Variants in FIGN observed in about 807,000 individuals in gnomAD.
FIGN encodes fidgetin.
A neutral mutation model predicts 51.3 loss-of-function variants in FIGN; 11 were observed. That is an observed-to-expected ratio of 0.21 (90% CI 0.13 to 0.35). The LOEUF (loss-of-function observed/expected upper bound fraction) is 0.35, where lower values mean the gene tolerates loss of function less well. Ranked by LOEUF, FIGN falls within the 10% of genes least tolerant of loss-of-function variation. The pLI is 1.00. For synonymous variants in FIGN, 407 were observed against 363.2 expected (o/e 1.12, Z -1.37); for missense variants, 857 against 943.6 (o/e 0.91, Z 1.20).
At chr2:163,694,475 G>A (rs6730430) in intron 2 of FIGN, among the ~76,000 whole-genome samples, 92,213 of 151,988 alleles carry the variant, frequency 0.61, 28,977 homozygotes, top group Admixed American at 0.71. Flanking sequence ...TTACAGGATG[G>A]GGCAAGCAAG....
At chr2:163,631,368 G>T (rs576334729) in intron 2 of FIGN, among the ~76,000 whole-genome samples, 5 of 152,280 alleles carry the variant, frequency 3.3e-5, no homozygotes, top group Non-Finnish European at 4.4e-5. Flanking sequence ...TGCGAACTTT[G>T]TTCTCCAAGT....
chr2:163,620,067 A>G (rs1248932956), intron 2 of FIGN, among the ~76,000 whole-genome samples: 2 of 152,210 alleles, frequency 1.3e-5, no homozygotes, highest in Non-Finnish European at 2.9e-5. Flanking sequence ...TTTAAAATAT[A>G]CAAATAATTC....
rs1170373652 is a variant in FIGN, at chr2:163,715,771, G to A, written c.25+19132C>T. Among the ~76,000 whole-genome samples, 11 of 152,158 alleles carry A rather than the reference G, an allele frequency of 7.2e-5. No individual in the cohort carries two copies. The East Asian group carries it at 1.9e-3, about 27-fold the overall frequency. On this transcript the variant is annotated intron_variant, in intron 2 of 2. Coordinates refer to ENST00000333129, the MANE Select transcript of FIGN (RefSeq NM_018086.4). ...CAGCATTTCTGAAAGGACTTTAAAAGAGGACACTCATTTTAAAAACTGATA... is the reference window on the plus strand; with the variant it reads ...CAGCATTTCTGAAAGGACTTTAAAAAAGGACACTCATTTTAAAAACTGATA...
intron 2 of FIGN, among the ~76,000 whole-genome samples, chr2:163,619,329 A>G (rs1483470825): frequency 6.6e-6 from 1 of 152,172 alleles, no homozygotes; most frequent in African/African-American, 2.4e-5. Context: ...GCAGGTAAGC[A>G]ACAGATCTTG....
chr2:163,729,847 C>T (rs1684897647), intron 2 of FIGN, among the ~76,000 whole-genome samples: 1 of 152,100 alleles, frequency 6.6e-6, no homozygotes, highest in African/African-American at 2.4e-5. Context: ...TCTGATACAC[C>T]CTGAAACAAC....
intron 2 of FIGN, among the ~76,000 whole-genome samples, chr2:163,660,662 T>TACATATACATATATATATATATAC (rs1573932696): frequency 9.4e-5 from 8 of 85,118 alleles, no homozygotes; most frequent in African/African-American, 1.8e-4. Flanking sequence ...AAACTATATA[T>TACATATACATATATATATATATAC]ACATATACAT....
At chr2:163,716,364 A>G (rs1351686606) in intron 2 of FIGN, among the ~76,000 whole-genome samples, 2 of 152,170 alleles carry the variant, frequency 1.3e-5, no homozygotes, top group Non-Finnish European at 2.9e-5. Flanking sequence ...ACCTTTAAAA[A>G]CTGGTCGTTA....
chr2:163,650,228 A>G (rs1683449893), intron 2 of FIGN, among the ~76,000 whole-genome samples: 1 of 152,084 alleles, frequency 6.6e-6, no homozygotes, highest in Non-Finnish European at 1.5e-5. Flanking sequence ...GTAATGTGCT[A>G]TAATATAGTG....
intron 2 of FIGN, among the ~76,000 whole-genome samples, chr2:163,619,598 G>A (rs923750683): frequency 1.3e-5 from 2 of 152,052 alleles, no homozygotes; most frequent in African/African-American, 4.8e-5. Flanking sequence ...TGATATGCAT[G>A]GGTCTGATTG....
chr2:163,610,998 T>G lies in FIGN; in HGVS notation c.834A>C (p.Gly278=), dbSNP rs2105298817. Reference sequence around the variant, plus strand: ...GGGGTAGGGGGGTGGGAGCAGGAATTCCTGAAGGCAGGTACGCTGAAGGCG... The same window carrying G: ...GGGGTAGGGGGGTGGGAGCAGGAATGCCTGAAGGCAGGTACGCTGAAGGCG... ...PPPPSAYLPS[G]IPAPTPLPPT... is the part of the protein sequence containing the mutation. Residue 278 remains glycine, a synonymous_variant, in exon 3 of 3, where the codon GGA becomes GGC. Transcript: ENST00000333129. The G allele has an allele frequency of 1.2e-6, 2 of 1,613,700 alleles. No homozygotes were observed. The highest frequency in any genetic ancestry group is 1.7e-6 in the Non-Finnish European group (2 of 1,179,948).
rs980534388 is a variant in FIGN at position 163,611,022 on chromosome 2, C to T, written c.810G>A (p.Pro270=). The change falls in exon 3 of 3, where the codon CCG becomes CCA. Residue 270 remains proline, a synonymous_variant. Coordinates refer to ENST00000333129, the MANE Select transcript of FIGN (RefSeq NM_018086.4). ...TTCCTGAAGGCAGGTACGCTGAAGG[C>T]GGAGGCGGTGCCCCCCCAGGGCTGT... ...SGYSPGGAPP[P]PSAYLPSGIP... 11 of 1,613,684 alleles carry T rather than the reference C, an allele frequency of 6.8e-6. No homozygotes were observed. The highest frequency in any genetic ancestry group is 1.7e-5 in the Admixed American group (1 of 59,996).
At chr2:163,696,770 C>T (rs1163854497) in intron 2 of FIGN, among the ~76,000 whole-genome samples, 1 of 151,678 alleles carries the variant, frequency 6.6e-6, no homozygotes, top group East Asian at 1.9e-4. Context: ...CTGGCTACAT[C>T]AATCTTCCCA....
At chr2:163,732,354 C>T (rs1684944093) in intron 2 of FIGN, among the ~76,000 whole-genome samples, 1 of 151,926 alleles carries the variant, frequency 6.6e-6, no homozygotes, top group Admixed American at 6.6e-5. Context: ...CAAATAAAAG[C>T]TAATTTGTCA....
intron 2 of FIGN, among the ~76,000 whole-genome samples, chr2:163,695,278 C>T (rs1277132953): frequency 1.3e-5 from 2 of 152,140 alleles, no homozygotes; most frequent in African/African-American, 4.8e-5. Context: ...AATTTTCCCA[C>T]TACTTAATCC....
chr2:163,705,663 T>C (rs1275964769), intron 2 of FIGN, among the ~76,000 whole-genome samples: 2 of 151,692 alleles, frequency 1.3e-5, no homozygotes, highest in Admixed American at 6.6e-5. Flanking sequence ...ACAATCCTAA[T>C]AGATGTGATG....
chr2:163,649,838 TC>T, intron 2 of FIGN, among the ~76,000 whole-genome samples: 1 of 152,336 alleles, frequency 6.6e-6, no homozygotes, highest in Non-Finnish European at 1.5e-5. Flanking sequence ...CTGAAGCTTA[TC>T]CCTGCGGAGC....
chr2:163,705,904 A>G (rs1548089), intron 2 of FIGN, among the ~76,000 whole-genome samples: 151,866 of 152,254 alleles, frequency 1, 75,751 homozygotes, highest in Middle Eastern at 1. Flanking sequence ...CTTACAAATG[A>G]CTGCATTTTT....
At chr2:163,623,586 G>A (rs1217750093) in intron 2 of FIGN, among the ~76,000 whole-genome samples, 1 of 152,136 alleles carries the variant, frequency 6.6e-6, no homozygotes, top group Non-Finnish European at 1.5e-5. Context: ...AATTAATGGT[G>A]AGTCATAGGT....
chr2:163,697,346 C>T (rs1684338439), intron 2 of FIGN, among the ~76,000 whole-genome samples: 1 of 151,970 alleles, frequency 6.6e-6, no homozygotes, highest in African/African-American at 2.4e-5. Flanking sequence ...AGTGATTCCT[C>T]CGCCTTGGCC....
Sources: allele counts gnomAD v4.1 joint callset (sites outside exome capture counted in the v4.1 genomes callset), GRCh38; gene constraint gnomAD v4.1.1; transcripts MANE v1.5; gene names NCBI Gene and HGNC (gene_info 2026-07-23, HGNC 2026-07-21).